The following CNTN5 variants were observed in gnomAD, a reference collection of about 807,000 sequenced individuals.
CNTN5 encodes the protein contactin-5.
A neutral mutation model predicts 129.1 loss-of-function variants in CNTN5; 77 were observed. The observed-to-expected ratio is 0.60, with a 90% confidence interval of 0.50 to 0.72. The LOEUF (loss-of-function observed/expected upper bound fraction) is 0.72, where lower values mean the gene tolerates loss of function less well. Among genes scored for constraint, CNTN5 ranks in the 30% least tolerant of loss-of-function variants. The probability of loss-of-function intolerance (pLI) is 0.00; values close to 1 mark genes in which losing one functional copy is unlikely to be tolerated. For synonymous variants in CNTN5, 509 were observed against 465.6 expected, an observed-to-expected ratio of 1.09 and a Z score of -1.20; for missense variants, 1,478 against 1,328.8, an observed-to-expected ratio of 1.11 and a Z score of -1.75.
chr11:100,226,184 G>A (rs1301497929), intron 16 of CNTN5, among the ~76,000 whole-genome samples: 1 of 152,046 alleles, frequency 6.6e-6, no homozygotes, highest in Admixed American at 6.6e-5. Context: ...TGTGCCTTCT[G>A]AAGTTACAAG....
At chr11:100,133,049 TATTAC>T (rs1169187098) in intron 13 of CNTN5, among the ~76,000 whole-genome samples, 1 of 152,150 alleles carries the variant, frequency 6.6e-6, no homozygotes, top group African/African-American at 2.4e-5. Flanking sequence ...ATTTTAATGA[TATTAC>T]AAAATGGACA....
At chr11:99,738,615 A>AAGTGTGTGTGTGTGTGTGTGTG (rs201365714) in intron 3 of CNTN5, among the ~76,000 whole-genome samples, 1 of 113,554 alleles carries the variant, frequency 8.8e-6, no homozygotes, top group African/African-American at 3.2e-5. Flanking sequence ...TAAGACAGTA[A>AAGTGTGTGTGTGTGTGTGTGTG]CGTGTGTGTG....
intron 3 of CNTN5, among the ~76,000 whole-genome samples, chr11:99,559,676 A>G (rs960789408): frequency 6.6e-6 from 1 of 152,196 alleles, no homozygotes; most frequent in African/African-American, 2.4e-5. Flanking sequence ...CAATTTTGTC[A>G]TATGATCAAA....
intron 15 of CNTN5, among the ~76,000 whole-genome samples, chr11:100,218,313 C>T (rs2138609594): frequency 6.6e-6 from 1 of 152,220 alleles, no homozygotes; most frequent in African/African-American, 2.4e-5. Context: ...AAAAAGACTT[C>T]AAGTCAATAA....
chr11:99,400,081 G>C (rs1941722679), intron 2 of CNTN5, among the ~76,000 whole-genome samples: 1 of 151,754 alleles, frequency 6.6e-6, no homozygotes, highest in African/African-American at 2.4e-5. Context: ...TCACATCCTT[G>C]TGCTATCAAA....
chr11:99,122,814 G>T (rs80242883), intron 1 of CNTN5, among the ~76,000 whole-genome samples: 8,915 of 152,114 alleles, frequency 0.059, 274 homozygotes, highest in African/African-American at 0.076. Context: ...TTCTGTTCCT[G>T]TGTTGGTTTT....
chr11:99,741,285 T>C (rs1726903932), intron 3 of CNTN5, among the ~76,000 whole-genome samples: 1 of 152,170 alleles, frequency 6.6e-6, no homozygotes, highest in African/African-American at 2.4e-5. Context: ...TGAATGGTAA[T>C]GTTTCTTTAA....
chr11:99,564,040 G>A (rs1262779152), intron 3 of CNTN5, among the ~76,000 whole-genome samples: 1 of 152,072 alleles, frequency 6.6e-6, no homozygotes, highest in Non-Finnish European at 1.5e-5. Context: ...ATATATGTCT[G>A]TGACTGTTTC....
chr11:99,924,222 G>T (rs1950008557), intron 7 of CNTN5, among the ~76,000 whole-genome samples: 1 of 152,142 alleles, frequency 6.6e-6, no homozygotes. Context: ...CTGGCTGCTT[G>T]TATGTTTTCT....
intron 6 of CNTN5, among the ~76,000 whole-genome samples, chr11:99,877,313 C>A (rs528279376): frequency 3.6e-4 from 55 of 152,202 alleles, no homozygotes; most frequent in Admixed American, 9.8e-4. Context: ...AACTACTCAG[C>A]CAGATCCCAT....
chr11:99,837,688 A>T (rs1246818506), intron 4 of CNTN5, among the ~76,000 whole-genome samples: 8 of 89,664 alleles, frequency 8.9e-5, no homozygotes, highest in Non-Finnish European at 2.5e-4. Context: ...CATGAGTAAA[A>T]AAAAAAAAAA....
At chr11:99,469,475 A>C (rs1275017783) in intron 2 of CNTN5, among the ~76,000 whole-genome samples, 2 of 151,974 alleles carry the variant, frequency 1.3e-5, no homozygotes, top group African/African-American at 4.8e-5. Context: ...TTTATTTTTA[A>C]TTGTTCATTA....
rs558518804 is a variant in CNTN5, at chr11:99,865,087, A to G, written c.577+19825A>G. Among the ~76,000 whole-genome samples the G allele has an allele frequency of 2.9e-4, 44 of 152,320 alleles. No homozygotes were observed. The South Asian group carries it at 8.9e-3, about 31-fold the overall frequency. On this transcript the variant is annotated intron_variant, in intron 6 of 24. Transcript: ENST00000524871. ...TTTTGTGACAGGTACTGGAGTAAGC[A>G]TCTTCCATCTCTTTGTCTTGAGACC...
At chr11:100,114,254 G>A (rs1356738931) in intron 13 of CNTN5, among the ~76,000 whole-genome samples, 1 of 151,958 alleles carries the variant, frequency 6.6e-6, no homozygotes, top group African/African-American at 2.4e-5. Context: ...TTTTCTTAAG[G>A]TTGTTTCTGT....
chr11:99,945,634 T>C (rs557696349), intron 7 of CNTN5, among the ~76,000 whole-genome samples: 8 of 152,160 alleles, frequency 5.3e-5, no homozygotes, highest in South Asian at 2.1e-4. Flanking sequence ...CTCAGTGTTA[T>C]TATCATTTCA....
chr11:99,817,381 C>T (rs1946622845), intron 3 of CNTN5, among the ~76,000 whole-genome samples: 1 of 152,190 alleles, frequency 6.6e-6, no homozygotes, highest in Non-Finnish European at 1.5e-5. Flanking sequence ...TTTGGCTCAT[C>T]TCTGTATGGA....
intron 3 of CNTN5, among the ~76,000 whole-genome samples, chr11:99,606,904 G>A (rs1187512369): frequency 1.5e-5 from 2 of 132,052 alleles, no homozygotes; most frequent in Non-Finnish European, 3.4e-5. Flanking sequence ...TATGTAGAAA[G>A]CTGAAACTGG....
intron 1 of CNTN5, among the ~76,000 whole-genome samples, chr11:99,156,810 A>T (rs959137493): frequency 6.6e-6 from 1 of 152,022 alleles, no homozygotes; most frequent in Admixed American, 6.6e-5. Context: ...AGTGATGTGG[A>T]TAGTATTACA....
chr11:99,728,121 A>G (rs965229229), intron 3 of CNTN5, among the ~76,000 whole-genome samples: 13 of 152,182 alleles, frequency 8.5e-5, no homozygotes, highest in African/African-American at 2.9e-4. Flanking sequence ...GGATTTTTAA[A>G]AAGAAATATG....
Sources: gnomAD v4.1 joint callset for allele counts (sites outside exome capture counted in the v4.1 genomes callset) on GRCh38, gnomAD v4.1.1 for gene constraint, MANE v1.5 for transcripts, NCBI Gene and HGNC (gene_info 2026-07-23, HGNC 2026-07-21) for gene names.